Variants in SON observed in about 807,000 individuals in gnomAD.
SON encodes the protein protein SON.
SON carries 4 observed loss-of-function variants against 173.3 expected under a neutral mutation model. That is an observed-to-expected ratio of 0.02 (90% confidence interval 0.01 to 0.05). The LOEUF is 0.05. Among genes scored for constraint, SON ranks in the 10% least tolerant of loss-of-function variants. The pLI, the probability that SON is intolerant of heterozygous loss-of-function variation, is 1.00. For missense variants in SON, 2,626 were observed against 3,055.3 expected, an observed-to-expected ratio of 0.86 and a Z score of 3.31; for synonymous variants, 1,190 against 1,105.9, an observed-to-expected ratio of 1.08 and a Z score of -1.51.
At chr21:33,575,206 TTG>T (rs768181362) in intron 9 of SON, among the ~76,000 whole-genome samples, 4 of 152,130 alleles carry the variant, frequency 2.6e-5, no homozygotes, top group Non-Finnish European at 5.9e-5. Flanking sequence ...CGGCTAATTT[TTG>T]TTTCTTTAGT....
intron 7 of SON, among the ~76,000 whole-genome samples, chr21:33,568,239 T>C (rs543164639): frequency 2.0e-5 from 3 of 152,262 alleles, no homozygotes; most frequent in Non-Finnish European, 4.4e-5. Flanking sequence ...ACGCCTGTTA[T>C]CCCAGCACTT....
chr21:33,549,875 C>T lies in SON; in HGVS notation c.644C>T (p.Ser215Leu). 1 of 1,614,246 alleles carries T rather than the reference C, an allele frequency of 6.2e-7. No individual in the cohort carries two copies. The highest frequency in any genetic ancestry group is 8.5e-7 in the Non-Finnish European group (1 of 1,180,042). Residue 215 changes from serine to leucine, a missense_variant, in exon 3 of 12, where the codon TCA becomes TTA. Transcript: ENST00000356577. ...LKPATKTAEL[S>L]VVSTSVISEQ... Reference sequence around the variant, plus strand: ...CCAGCTACAAAAACTGCAGAACTGTCAGTTGTATCTACATCAGTAATCTCA... The same window carrying T: ...CCAGCTACAAAAACTGCAGAACTGTTAGTTGTATCTACATCAGTAATCTCA...
intron 6 of SON, 66 bp from the exon 7 acceptor site, chr21:33,567,091 T>G (rs1048950383): frequency 1.2e-6 from 1 of 844,820 alleles, no homozygotes. Flanking sequence ...ACTAAAGATA[T>G]GAGTACTTTT....
chr21:33,575,043 A>AT (rs2086367865), intron 9 of SON, among the ~76,000 whole-genome samples: 2 of 151,542 alleles, frequency 1.3e-5, no homozygotes, highest in African/African-American at 4.8e-5. Context: ...GCAATAAGCT[A>AT]TTTTTTTTCT....
chr21:33,553,049 A>T lies in SON; in HGVS notation c.3818A>T (p.His1273Leu). The T allele has an allele frequency of 6.2e-7, 1 of 1,612,868 alleles. No homozygotes were observed. Among genetic ancestry groups the T allele is most frequent in the Non-Finnish European group, 8.5e-7 (1 of 1,178,858 alleles). ...PVESAVVAEE[H>L]EVVPERPVTC... is the part of the protein sequence containing the mutation. Reference sequence around the variant, plus strand: ...GAGTCTGCAGTAGTAGCAGAAGAACATGAAGTTGTTCCAGAGAGACCAGTG... The same window carrying T: ...GAGTCTGCAGTAGTAGCAGAAGAACTTGAAGTTGTTCCAGAGAGACCAGTG... The change falls in exon 3 of 12, where the codon CAT (histidine) becomes CTT (leucine). Residue 1273 changes from histidine (H) to leucine (L), a missense_variant. Around this residue, in one of 13 missense-constraint regions of SON, gnomAD observed 1,006 missense variants for 895.6 expected, o/e 1.12. Transcript: ENST00000356577.
rs146931242 is a variant in SON at position 33,555,057 on chromosome 21, T to G, written c.5826T>G (p.Ser1942=). Residue 1942 remains serine, a synonymous_variant, in exon 3 of 12, where the codon TCT becomes TCG. Coordinates refer to ENST00000356577, the MANE Select transcript of SON (RefSeq NM_138927.4). ...HTPSRRRRSR[S]VGRRRSFSIS... ...CAAGTCGTCGACGAAGGTCTAGATC[T>G]GTGGGTAGAAGAAGGAGCTTTAGCA... 5 of 1,611,128 alleles carry G rather than the reference T, an allele frequency of 3.1e-6. No individual in the cohort carries two copies. The highest frequency in any genetic ancestry group is 4.2e-6 in the Non-Finnish European group (5 of 1,179,142).
intron 3 of SON, among the ~76,000 whole-genome samples, chr21:33,556,594 G>T (rs2085971197): frequency 6.6e-6 from 1 of 151,758 alleles, no homozygotes; most frequent in South Asian, 2.1e-4. Context: ...CGCGCCTGTA[G>T]TCCCAGCTAC....
intron 8 of SON, chr21:33,571,619 T>G (rs1317235315): frequency 1.3e-5 from 2 of 152,646 alleles, no homozygotes; most frequent in Non-Finnish European, 2.9e-5. Flanking sequence ...TATTGTGGTC[T>G]CATTAAATTA....
In SON at chr21:33,550,603, G is replaced by C. The variant is rs1185973295; in HGVS notation, c.1372G>C (p.Ala458Pro). 8 of 1,613,774 alleles carry C rather than the reference G, an allele frequency of 5.0e-6. No homozygotes were observed. The highest frequency in any genetic ancestry group is 6.8e-6 in the Non-Finnish European group (8 of 1,179,960). ...GTCGCAGGAATTGCCAGGGCTTCCAGCACCATCCATGGGGTTGGAGCCACC... is the reference window on the plus strand; with the variant it reads ...GTCGCAGGAATTGCCAGGGCTTCCACCACCATCCATGGGGTTGGAGCCACC... ...QLSQELPGLPAPSMGLEPPQE... is the reference protein window; with the variant it reads ...QLSQELPGLPPPSMGLEPPQE... The change falls in exon 3 of 12, where the codon GCA becomes CCA. Residue 458 changes from alanine (A) to proline (P), a missense_variant. By Grantham distance (27) the Ala-to-Pro change is conservative. Around this residue, in one of 13 missense-constraint regions of SON, gnomAD observed 757 missense variants for 730.1 expected, o/e 1.04. Coordinates refer to ENST00000356577, the MANE Select transcript of SON (RefSeq NM_138927.4).
intron 8 of SON, chr21:33,569,867 T>C (rs1359773402): frequency 5.1e-6 from 1 of 196,618 alleles, no homozygotes; most frequent in African/African-American, 2.4e-5. Context: ...ACTAATTTCA[T>C]GACAAAACAG....
In SON at chr21:33,553,739, A is replaced by G. The variant is rs768919786; in HGVS notation, c.4508A>G (p.Gln1503Arg). The G allele has an allele frequency of 6.2e-7, 1 of 1,613,974 alleles. No individual in the cohort carries two copies. Among genetic ancestry groups the G allele is most frequent in the Non-Finnish European group, 8.5e-7 (1 of 1,179,876 alleles). The change falls in exon 3 of 12, where the codon CAG becomes CGG. Residue 1503 changes from glutamine to arginine, a missense_variant. Gln to Arg is a conservative substitution (Grantham distance 43). Around this residue, in one of 13 missense-constraint regions of SON, gnomAD observed 1,006 missense variants for 895.6 expected, o/e 1.12. Coordinates refer to ENST00000356577, the MANE Select transcript of SON (RefSeq NM_138927.4). ...AATCTTGCTCCAGAGATTGGCATGC[A>G]GGAGATTGCATTGCATTCAGGTGAA... is the stretch of plus-strand genomic sequence containing the variant. ...DQNLAPEIGM[Q>R]EIALHSGEEP...
At chr21:33,566,013 T>C (rs2086163382) in intron 6 of SON, among the ~76,000 whole-genome samples, 2 of 152,202 alleles carry the variant, frequency 1.3e-5, no homozygotes, top group Admixed American at 6.5e-5. Flanking sequence ...ACAGGTCTTA[T>C]TCTTAAGAGA....
At chr21:33,560,876 C>G (rs1245614955) in intron 6 of SON, 1 of 152,306 alleles carries the variant, frequency 6.6e-6, no homozygotes, top group Admixed American at 6.5e-5. Flanking sequence ...GACACCTGTA[C>G]TCTTCACTGT....
chr21:33,576,658 A>G lies in SON; in HGVS notation c.*234A>G, dbSNP rs1197689680. 4.8e-6 allele frequency: 3 copies of G among 624,240 alleles called. No homozygotes were observed. Among genetic ancestry groups the G allele is most frequent in the Non-Finnish European group, 8.9e-6 (3 of 336,368 alleles). The allele number at this position is 624,240 out of a possible 1,614,324, so 38.7% of individuals were successfully genotyped here. A position where few individuals can be genotyped will look rare whatever the true frequency, so the allele number is the denominator to read the frequency against. On this transcript the variant is annotated 3_prime_UTR_variant, in exon 12 of 12. Transcript: ENST00000356577. Reference sequence around the variant, plus strand: ...TCTTTAATGTTGTAAATATTTGGCAATTTAAGACATTGTGTAAAAAGCAAT... The same window carrying G: ...TCTTTAATGTTGTAAATATTTGGCAGTTTAAGACATTGTGTAAAAAGCAAT...
chr21:33,548,308 G>T (rs1450675009), intron 2 of SON, among the ~76,000 whole-genome samples: 1 of 151,298 alleles, frequency 6.6e-6, no homozygotes, highest in Non-Finnish European at 1.5e-5. Context: ...ATCTCTTTAG[G>T]GTATGTAAAT....
At chr21:33,573,546 G>A (rs1260775580) in intron 9 of SON, 91 bp downstream of exon 9, 14 of 1,156,014 alleles carry the variant, frequency 1.2e-5, no homozygotes, top group Non-Finnish European at 1.6e-5. Context: ...TGAACTGAAG[G>A]CACTTCTTGT....
chr21:33,560,117 A>G (rs749652577), intron 6 of SON: 1 of 1,612,398 alleles, frequency 6.2e-7, no homozygotes. Context: ...CTATAGCTCT[A>G]GATTTTGGTG....
At chr21:33,568,459 G>A (rs1273499545) in intron 7 of SON, among the ~76,000 whole-genome samples, 3 of 152,220 alleles carry the variant, frequency 2.0e-5, no homozygotes, top group Non-Finnish European at 4.4e-5. Flanking sequence ...TCGCACCATT[G>A]CACTCCAGCC....
At chr21:33,556,989 A>T (rs906157343) in intron 3 of SON, among the ~76,000 whole-genome samples, 167 bp from the exon 4 acceptor site, 7 of 150,422 alleles carry the variant, frequency 4.7e-5, no homozygotes, top group African/African-American at 1.7e-4. Flanking sequence ...CTTAGAGCAG[A>T]ATATTGATGC....
Sources: allele counts gnomAD v4.1 joint callset (sites outside exome capture counted in the v4.1 genomes callset), GRCh38; gene constraint gnomAD v4.1.1; regional missense constraint gnomAD v4.1.1; transcripts MANE v1.5; gene names NCBI Gene and HGNC (gene_info 2026-07-23, HGNC 2026-07-21).